The following NCK1 variants were observed in gnomAD, a reference collection of about 807,000 sequenced individuals.
NCK1 encodes NCK adaptor protein 1, also known as SH2/SH3 adapter protein NCK1.
Under a neutral mutation model 36.6 loss-of-function variants are expected in NCK1, and 19 were observed. The observed-to-expected ratio is 0.52, with a 90% confidence interval of 0.36 to 0.76. The LOEUF is 0.76. Among genes scored for constraint, NCK1 ranks in the 30% least tolerant of loss-of-function variants. The probability of loss-of-function intolerance (pLI) is 0.00; values close to 1 mark genes in which losing one functional copy is unlikely to be tolerated. For missense variants in NCK1, 358 were observed against 445.6 expected, an observed-to-expected ratio of 0.80 and a Z score of 1.77; for synonymous variants, 165 against 156.0, an observed-to-expected ratio of 1.06 and a Z score of -0.43.
chr3:136,948,242 T>C lies in NCK1; in HGVS notation c.940-17T>C, dbSNP rs772232599. 1 of 1,555,186 alleles carries C rather than the reference T, an allele frequency of 6.4e-7. No homozygotes were observed. The highest frequency in any genetic ancestry group is 8.7e-7 in the Non-Finnish European group (1 of 1,152,856). On this transcript the variant is annotated splice_polypyrimidine_tract_variant and intron_variant, in intron 3 of 3. Coordinates refer to ENST00000481752, the MANE Select transcript of NCK1 (RefSeq NM_001291999.2). ...TTTCAAAATGTTTACTATATGTATCTTTTTTTTCTCTTTTAGCCAAATGAT... is the reference window on the plus strand; with the variant it reads ...TTTCAAAATGTTTACTATATGTATCCTTTTTTTCTCTTTTAGCCAAATGAT...
At chr3:136,940,874 C>A (rs1477962339) in intron 2 of NCK1, among the ~76,000 whole-genome samples, 2 of 152,072 alleles carry the variant, frequency 1.3e-5, no homozygotes, top group African/African-American at 4.8e-5. Flanking sequence ...ATAGCCACCC[C>A]ACTCTCTCAG....
intron 2 of NCK1, among the ~76,000 whole-genome samples, chr3:136,934,868 A>G (rs1314806330): frequency 2.0e-5 from 3 of 152,172 alleles, no homozygotes; most frequent in African/African-American, 4.8e-5. Flanking sequence ...GAAGGGTTTG[A>G]TGCAAAAAGG....
intron 2 of NCK1, among the ~76,000 whole-genome samples, chr3:136,932,718 C>T (rs1270790359): frequency 6.6e-6 from 1 of 152,192 alleles, no homozygotes; most frequent in African/African-American, 2.4e-5. Context: ...TCCCTTCTAA[C>T]TCTAAAAGTC....
chr3:136,897,549 C>G (rs1939422327), intron 1 of NCK1, among the ~76,000 whole-genome samples: 1 of 152,050 alleles, frequency 6.6e-6, no homozygotes, highest in Non-Finnish European at 1.5e-5. Context: ...TATTCATGTC[C>G]TTAGCCTACT....
At chr3:136,922,495 G>C (rs1033262494) in intron 1 of NCK1, among the ~76,000 whole-genome samples, 9 of 152,164 alleles carry the variant, frequency 5.9e-5, no homozygotes, top group Admixed American at 2.0e-4. Context: ...TAAGGAACTT[G>C]ATGGAGTTGG....
intron 1 of NCK1, among the ~76,000 whole-genome samples, chr3:136,906,185 T>G (rs972500042): frequency 1.3e-5 from 2 of 151,744 alleles, no homozygotes; most frequent in African/African-American, 2.4e-5. Flanking sequence ...GTGTTTTCTT[T>G]CAATGTGAAT....
intron 2 of NCK1, among the ~76,000 whole-genome samples, chr3:136,931,732 TA>T (rs1258193740): frequency 6.6e-6 from 1 of 152,056 alleles, no homozygotes; most frequent in African/African-American, 2.4e-5. Context: ...GGTGGAGAGG[TA>T]TATGATGATT....
intron 1 of NCK1, among the ~76,000 whole-genome samples, chr3:136,926,423 C>T (rs575159997): frequency 1.5e-4 from 23 of 151,982 alleles, no homozygotes; most frequent in African/African-American, 5.5e-4. Flanking sequence ...TACAGGCACC[C>T]GCCACCACGC....
intron 1 of NCK1, among the ~76,000 whole-genome samples, chr3:136,905,324 C>T (rs1318810389): frequency 6.6e-6 from 1 of 152,134 alleles, no homozygotes; most frequent in South Asian, 2.1e-4. Flanking sequence ...TTGTGCCCAA[C>T]CTGGTTTTCC....
At chr3:136,888,407 A>ATT (rs111836974) in intron 1 of NCK1, among the ~76,000 whole-genome samples, 1 of 145,954 alleles carries the variant, frequency 6.9e-6, no homozygotes, top group African/African-American at 2.5e-5. Flanking sequence ...CAATATCAGA[A>ATT]TTTTTTTTTT....
intron 1 of NCK1, among the ~76,000 whole-genome samples, chr3:136,901,337 A>G (rs1366378019): frequency 6.7e-6 from 1 of 149,766 alleles, no homozygotes; most frequent in Non-Finnish European, 1.5e-5. Flanking sequence ...TGTGTTCATT[A>G]GGGATATTGG....
At chr3:136,899,424 T>C (rs555850745) in intron 1 of NCK1, 9 of 281,392 alleles carry the variant, frequency 3.2e-5, no homozygotes, top group East Asian at 2.5e-4. Flanking sequence ...CTTTTCTTTT[T>C]TTTTTTTTTA....
intron 1 of NCK1, among the ~76,000 whole-genome samples, chr3:136,883,230 T>C (rs923795808): frequency 6.6e-6 from 1 of 152,186 alleles, no homozygotes; most frequent in African/African-American, 2.4e-5. Flanking sequence ...CTACTTCTTA[T>C]TACATGTAGA....
intron 1 of NCK1, among the ~76,000 whole-genome samples, chr3:136,867,922 T>A (rs200507573): frequency 1.3e-4 from 2 of 15,216 alleles, no homozygotes; most frequent in African/African-American, 3.4e-4. Flanking sequence ...ACATTGTAAA[T>A]TTTTTTTTTT....
rs944647598 is a variant in NCK1, at chr3:136,862,266, C to T, written c.-106C>T. ...CGCGGCGGCGGCGGAGCGCAGGCCT[C>T]GTGCCGTTACGGCCATCACGGCGGC... On this transcript the variant is annotated 5_prime_UTR_variant, in exon 1 of 4. Transcript: ENST00000481752. The T allele has an allele frequency of 6.6e-6, 1 of 152,620 alleles. No individual in the cohort carries two copies. Among genetic ancestry groups the T allele is most frequent in the African/African-American group, 2.4e-5 (1 of 41,434 alleles). 9.5% of individuals were successfully genotyped at this position (152,620 alleles called of 1,614,324 possible). A position where few individuals can be genotyped will look rare whatever the true frequency, so the allele number is the denominator to read the frequency against.
intron 2 of NCK1, among the ~76,000 whole-genome samples, chr3:136,932,665 T>G (rs1440731443): frequency 6.6e-6 from 1 of 152,216 alleles, no homozygotes; most frequent in Admixed American, 6.5e-5. Context: ...TTTCTGTTCC[T>G]TGTAAAAGAG....
At chr3:136,944,199 A>G (rs7636956) in intron 2 of NCK1, among the ~76,000 whole-genome samples, 100,599 of 147,306 alleles carry the variant, frequency 0.68, 34,573 homozygotes, top group East Asian at 0.87. Flanking sequence ...GCTCACTGCA[A>G]CCTCCGCCTG....
chr3:136,900,578 T>C (rs1465970396), intron 1 of NCK1, among the ~76,000 whole-genome samples: 1 of 152,196 alleles, frequency 6.6e-6, no homozygotes, highest in Non-Finnish European at 1.5e-5. Context: ...TTCCATTTGT[T>C]TGTGCCCTCT....
intron 1 of NCK1, among the ~76,000 whole-genome samples, chr3:136,925,839 G>T (rs892592421): frequency 3.3e-5 from 5 of 152,156 alleles, no homozygotes. Flanking sequence ...ATTTCTCTGG[G>T]ATAAATACCC....
Sources: gnomAD v4.1 joint callset for allele counts (sites outside exome capture counted in the v4.1 genomes callset) on GRCh38, gnomAD v4.1.1 for gene constraint, MANE v1.5 for transcripts, NCBI Gene and HGNC (gene_info 2026-07-23, HGNC 2026-07-21) for gene names.